Variants in DNAH2 observed in about 807,000 individuals in gnomAD.
The protein encoded by DNAH2 is axonemal beta dynein heavy chain 2.
In DNAH2, 323 loss-of-function variants were observed where a neutral mutation model predicts 523.5. That is an observed-to-expected ratio of 0.62 (90% confidence interval 0.56 to 0.68). DNAH2 has a LOEUF of 0.68. Ranked by LOEUF, DNAH2 falls within the 30% of genes least tolerant of loss-of-function variation. DNAH2 has a pLI of 0.00. For missense variants in DNAH2, 4,907 were observed against 5,701.5 expected, an observed-to-expected ratio of 0.86 and a Z score of 4.49; for synonymous variants, 2,093 against 2,177.4, an observed-to-expected ratio of 0.96 and a Z score of 1.08.
intron 47 of DNAH2, 49 bp downstream of exon 47, chr17:7,792,904 G>A (rs759502654): frequency 1.2e-6 from 2 of 1,604,344 alleles, no homozygotes; most frequent in Non-Finnish European, 1.7e-6. Context: ...TGGGATCCAA[G>A]TGCCTGCCTG....
intron 12 of DNAH2, among the ~76,000 whole-genome samples, 166 bp from the exon 13 acceptor site, chr17:7,756,925 C>G (rs543428777): frequency 2.6e-5 from 4 of 152,324 alleles, no homozygotes; most frequent in African/African-American, 9.6e-5. Context: ...CCTGCCTCGG[C>G]CCCACAAAGT....
At position 7,776,018 on chromosome 17, in the gene DNAH2, C is replaced by T. The variant is rs775846860; in HGVS notation, c.4822-6C>T. 5.6e-6 allele frequency: 9 copies of T among 1,613,614 alleles called. No individual in the cohort carries two copies. Among genetic ancestry groups the T allele is most frequent in the Middle Eastern group, 1.6e-4 (1 of 6,078 alleles). On this transcript the variant is annotated splice_polypyrimidine_tract_variant and splice_region_variant and intron_variant, in intron 30 of 85. Coordinates refer to ENST00000572933, the MANE Select transcript of DNAH2 (RefSeq NM_020877.5). ...TGAGCTGCCCTATTCTCCCACCTCC[C>T]CCCAGTCCTGGCTTGGCGATGTGGA...
intron 63 of DNAH2, among the ~76,000 whole-genome samples, chr17:7,809,055 G>C (rs902609508): frequency 6.6e-6 from 1 of 152,174 alleles, no homozygotes; most frequent in Non-Finnish European, 1.5e-5. Context: ...CCCCATTTGA[G>C]GGAGACACTG....
chr17:7,796,205 C>T (rs1236139066), intron 49 of DNAH2, among the ~76,000 whole-genome samples: 4 of 151,816 alleles, frequency 2.6e-5, no homozygotes, highest in African/African-American at 2.4e-5. Context: ...TGTGCCACCA[C>T]GCCCGGCTAA....
At position 7,779,288 on chromosome 17, in the gene DNAH2, G is replaced by A. The variant is rs1307010677; in HGVS notation, c.5587G>A (p.Glu1863Lys). 4 of 1,614,158 alleles carry A rather than the reference G, an allele frequency of 2.5e-6. No homozygotes were observed. Among genetic ancestry groups the A allele is most frequent in the East Asian group, 2.2e-5 (1 of 44,882 alleles). The change falls in exon 36 of 86, where the codon GAG becomes AAG. Residue 1863 changes from glutamate (E) to lysine (K), a missense_variant. By Grantham distance (56) the Glu-to-Lys change is moderately conservative. Around this residue, in one of 3 missense-constraint regions of DNAH2, gnomAD observed 2,806 missense variants for 3,190.8 expected, o/e 0.88. Coordinates refer to ENST00000572933, the MANE Select transcript of DNAH2 (RefSeq NM_020877.5). ...TGATGAGTTTAACCGCATCAACATC[G>A]AGGTGCTGTCAGTGGTGGCCCACCA... ...CFDEFNRINIEVLSVVAHQIL... is the reference protein window; with the variant it reads ...CFDEFNRINIKVLSVVAHQIL...
In DNAH2 at chr17:7,817,822, C is replaced by T. The variant is rs749752088; in HGVS notation, c.10202C>T (p.Ala3401Val). 1.2e-6 allele frequency: 2 copies of T among 1,614,060 alleles called. No homozygotes were observed. Among genetic ancestry groups the T allele is most frequent in the Admixed American group, 1.7e-5 (1 of 60,006 alleles). Residue 3401 changes from alanine to valine, a missense_variant, in exon 67 of 86, where the codon GCC (alanine) becomes GTC (valine). Around this residue, in one of 3 missense-constraint regions of DNAH2, gnomAD observed 1,851 missense variants for 2,139.4 expected, o/e 0.87. Coordinates refer to ENST00000572933, the MANE Select transcript of DNAH2 (RefSeq NM_020877.5). ...WALMIDPQAQ[A>V]LKWIKNMEGG... is the part of the protein sequence containing the mutation. ...CTGATGATCGACCCTCAGGCCCAGG[C>T]CCTGAAATGGATTAAGAACATGGAA...
In DNAH2 at chr17:7,756,846, T is replaced by A. The variant is rs924953243; in HGVS notation, c.1905-245T>A. On this transcript the variant is annotated intron_variant, in intron 12 of 85. Transcript: ENST00000572933. ...CCACTGCGCCCGGCTAATTTTTGTATTTTTTGTAGAGATGGGATTCCCCCG... is the reference window on the plus strand; with the variant it reads ...CCACTGCGCCCGGCTAATTTTTGTAATTTTTGTAGAGATGGGATTCCCCCG... Among the ~76,000 whole-genome samples the A allele has an allele frequency of 2.6e-5, 4 of 152,106 alleles. 1 individual carries two copies. In the South Asian group the frequency reaches 8.3e-4, roughly 32 times the overall value.
Position 7,717,822 on chromosome 17 carries a change from G to A in DNAH2, c.-992G>A, listed in dbSNP as rs957164730. ...GGTCGGTCTAGGGAGGGGAGGGTCA[G>A]CGTGGCAAGGTGTGTGTCGGGGGCA... On this transcript the variant is annotated 5_prime_UTR_variant, in exon 1 of 86. Coordinates refer to ENST00000572933, the MANE Select transcript of DNAH2 (RefSeq NM_020877.5). 1.3e-5 allele frequency: 2 copies of A among 152,582 alleles called. No homozygotes were observed. The highest frequency in any genetic ancestry group is 2.9e-5 in the Non-Finnish European group (2 of 68,120). The allele number at this position is 152,582 out of a possible 1,614,324, so 9.5% of individuals were successfully genotyped here. A position where few individuals can be genotyped will look rare whatever the true frequency, so the allele number is the denominator to read the frequency against.
chr17:7,796,161 G>A (rs1301060326), intron 49 of DNAH2, among the ~76,000 whole-genome samples: 1 of 147,014 alleles, frequency 6.8e-6, no homozygotes, highest in Non-Finnish European at 1.5e-5. Context: ...TGATTCTCCT[G>A]CCTCAGCCTC....
chr17:7,732,014 A>G (rs2075002653), intron 4 of DNAH2, among the ~76,000 whole-genome samples: 1 of 141,922 alleles, frequency 7.0e-6, no homozygotes, highest in African/African-American at 2.7e-5. Context: ...GGGCAACAAC[A>G]GCGAAACTTC....
At position 7,798,844 on chromosome 17, in the gene DNAH2, A is replaced by C. The variant is rs1323996291; in HGVS notation, c.8559+126A>C. On this transcript the variant is annotated intron_variant, in intron 55 of 85. Coordinates refer to ENST00000572933, the MANE Select transcript of DNAH2 (RefSeq NM_020877.5). The surrounding 1 kb of genome is among the most constrained non-coding windows in gnomAD (Gnocchi z 5.5). ...CTGCCACACCCCCACTGCCCACCTC[A>C]GCCCTGTAAGGTGGAAGGTCCCCTC... is the stretch of plus-strand genomic sequence containing the variant. 1.5e-6 allele frequency: 2 copies of C among 1,329,746 alleles called. No homozygotes were observed. The highest frequency in any genetic ancestry group is 2.1e-5 in the Admixed American group (1 of 47,346). The allele number at this position is 1,329,746 out of a possible 1,614,324, so 82.4% of individuals were successfully genotyped here. A position where few individuals can be genotyped will look rare whatever the true frequency, so the allele number is the denominator to read the frequency against.
chr17:7,797,640 C>A, intron 52 of DNAH2, 40 bp from the exon 53 acceptor site: 3 of 1,613,924 alleles, frequency 1.9e-6, no homozygotes, highest in Non-Finnish European at 2.5e-6. Flanking sequence ...GGAGGCAAAC[C>A]AGGCATTTGT....
chr17:7,795,074 T>C (rs1159008862), intron 49 of DNAH2, among the ~76,000 whole-genome samples: 3 of 151,112 alleles, frequency 2.0e-5, no homozygotes, highest in Non-Finnish European at 4.4e-5. Context: ...TCCTATGGAG[T>C]GGGAAGGAGA....
chr17:7,799,515 G>T (rs2077163330), intron 56 of DNAH2, among the ~76,000 whole-genome samples: 1 of 152,004 alleles, frequency 6.6e-6, no homozygotes, highest in East Asian at 1.9e-4. Flanking sequence ...TCTAATTGTG[G>T]TTAAAAACAC....
chr17:7,816,537 T>C, intron 63 of DNAH2, 34 bp from the exon 64 acceptor site: 1 of 1,610,674 alleles, frequency 6.2e-7, no homozygotes, highest in Non-Finnish European at 8.5e-7. Flanking sequence ...CTGCGAGCCC[T>C]GTGTTTGATG....
intron 28 of DNAH2, 54 bp from the exon 29 acceptor site, chr17:7,774,702 AGAT>A: frequency 6.6e-7 from 1 of 1,506,202 alleles, no homozygotes; most frequent in Admixed American, 1.8e-5. Context: ...TGGGGCATCC[AGAT>A]CCGCCCAGGG....
chr17:7,830,984 C>T (rs905540637), intron 79 of DNAH2, 102 bp from the exon 80 acceptor site: 1 of 1,502,052 alleles, frequency 6.7e-7, no homozygotes, highest in African/African-American at 1.4e-5. Flanking sequence ...GGGAGCAGGG[C>T]AGGGAGCTGG....
intron 3 of DNAH2, among the ~76,000 whole-genome samples, chr17:7,724,436 T>G (rs1189865497): frequency 6.6e-6 from 1 of 152,006 alleles, no homozygotes; most frequent in Non-Finnish European, 1.5e-5. Flanking sequence ...CTGGCCAACA[T>G]AGTGAAACCC....
chr17:7,747,913 CA>C (rs1327233482), intron 12 of DNAH2, among the ~76,000 whole-genome samples: 2 of 152,136 alleles, frequency 1.3e-5, no homozygotes, highest in Non-Finnish European at 2.9e-5. Flanking sequence ...TTACAGCTTC[CA>C]AAACTTATTA....
Sources: allele counts gnomAD v4.1 joint callset (sites outside exome capture counted in the v4.1 genomes callset), GRCh38; gene constraint gnomAD v4.1.1; regional missense constraint gnomAD v4.1.1; non-coding constraint Gnocchi (gnomAD v3.1); transcripts MANE v1.5; gene names NCBI Gene and HGNC (gene_info 2026-07-23, HGNC 2026-07-21).